Variants in CD248 observed in about 807,000 individuals in gnomAD.
CD248 encodes the protein CD248 molecule.
In CD248, 7 loss-of-function variants were observed where a neutral mutation model predicts 8.0. The ratio of observed to expected loss-of-function variants is 0.88; its 90% CI spans 0.50 to 1.64. CD248 has a LOEUF of 1.64. Among genes scored for constraint, CD248 ranks in the 40% most tolerant of loss-of-function variants. The pLI is 0.00. For missense variants in CD248, 912 were observed against 1,027.2 expected (o/e 0.89, Z 1.53); for synonymous variants, 418 against 437.1 (o/e 0.96, Z 0.54).
Position 66,317,001 on chromosome 11 carries a change from C to T in CD248, c.27G>A (p.Trp9Ter), listed in dbSNP as rs1239942326. The change falls in exon 1 of 1, where the codon TGG (tryptophan) becomes TGA (stop). Residue 9 changes from tryptophan to a stop codon, truncating the protein, a stop_gained. Transcript: ENST00000311330. LOFTEE classifies it low-confidence loss of function (END_TRUNC). ...GGCCCAGTGTGGGCCCTGCGGCCGC[C>T]CAGGCCAGCAACAGGCGCAGCAGCA... MLLRLLLA[W>*]AAAGPTLGQD... is the part of the protein sequence containing the mutation. 1.4e-6 allele frequency: 2 copies of T among 1,480,218 alleles called. No homozygotes were observed. 91.7% of individuals were successfully genotyped at this position (1,480,218 alleles called of 1,614,324 possible). A position where few individuals can be genotyped will look rare whatever the true frequency, so the allele number is the denominator to read the frequency against.
chr11:66,314,949 C>T lies in CD248; in HGVS notation c.2079G>A (p.Val693=). ...DDRWLLVALL[V]PTCVFLVVLL... is the part of the protein sequence containing the mutation. Reference sequence around the variant, plus strand: ...GGACCACCAAAAAGACACACGTTGGCACCAGGAGTGCCACCAGCAGCCACC... The same window carrying T: ...GGACCACCAAAAAGACACACGTTGGTACCAGGAGTGCCACCAGCAGCCACC... The change falls in exon 1 of 1, where the codon GTG becomes GTA. Residue 693 remains valine (V), a synonymous_variant. Coordinates refer to ENST00000311330, the MANE Select transcript of CD248 (RefSeq NM_020404.3). This position sits in a 1 kb window ranked among gnomAD's most constrained non-coding sequence, Gnocchi z 4.0. 1 of 1,613,376 alleles carries T rather than the reference C, an allele frequency of 6.2e-7. No homozygotes were observed. The highest frequency in any genetic ancestry group is 8.5e-7 in the Non-Finnish European group (1 of 1,179,938).
rs1181106224 is a variant in CD248, at chr11:66,316,686, G to A, written c.342C>T (p.Phe114=). Residue 114 remains phenylalanine (F), a synonymous_variant, in exon 1 of 1, where the codon TTC becomes TTT. Transcript: ENST00000311330. ...CAGAGGCTGGCTGGGCCCAGTTGGTGAAAGCCGTGTCCTGGTCCCCTGTGG... is the reference window on the plus strand; with the variant it reads ...CAGAGGCTGGCTGGGCCCAGTTGGTAAAAGCCGTGTCCTGGTCCCCTGTGG... ...TWTTGDQDTA[F]TNWAQPASGG... 1 of 1,606,936 alleles carries A rather than the reference G, an allele frequency of 6.2e-7. No individual in the cohort carries two copies. Among genetic ancestry groups the A allele is most frequent in the Non-Finnish European group, 8.5e-7 (1 of 1,179,482 alleles).
Position 66,314,820 on chromosome 11 carries a change from G to A in CD248, c.2208C>T (p.Ser736=). 1 of 1,573,150 alleles carries A rather than the reference G, an allele frequency of 6.4e-7. No individual in the cohort carries two copies. Among genetic ancestry groups the A allele is most frequent in the Non-Finnish European group, 8.6e-7 (1 of 1,159,392 alleles). Reference sequence around the variant, plus strand: ...CCCTGGGGGGCATGGGTTCTGTTGGGCTCTTGCTCCCAGCATGGATGACCC... The same window carrying A: ...CCCTGGGGGGCATGGGTTCTGTTGGACTCTTGCTCCCAGCATGGATGACCC... ...YRWVIHAGSK[S]PTEPMPPRGS... Residue 736 remains serine, a synonymous_variant, in exon 1 of 1, where the codon AGC becomes AGT. Coordinates refer to ENST00000311330, the MANE Select transcript of CD248 (RefSeq NM_020404.3). This position sits in a 1 kb window ranked among gnomAD's most constrained non-coding sequence, Gnocchi z 4.0.
In CD248 at chr11:66,316,476, G is replaced by T; in HGVS notation, c.552C>A (p.His184Gln). The change falls in exon 1 of 1, where the codon CAC becomes CAA. Residue 184 changes from histidine to glutamine, a missense_variant. Transcript: ENST00000311330. ...AGPAVYTTPF[H>Q]LVSTEFEWLP... Reference sequence around the variant, plus strand: ...GCCACTCAAACTCTGTGGAGACCAGGTGGAAGGGCGTGGTATACACGGCTG... The same window carrying T: ...GCCACTCAAACTCTGTGGAGACCAGTTGGAAGGGCGTGGTATACACGGCTG... 2 of 1,599,468 alleles carry T rather than the reference G, an allele frequency of 1.3e-6. No homozygotes were observed. The highest frequency in any genetic ancestry group is 1.1e-5 in the South Asian group (1 of 91,036).
chr11:66,317,034 GC>G lies in CD248; in HGVS notation c.-8del. The G allele has an allele frequency of 1.4e-6, 2 of 1,423,270 alleles. No individual in the cohort carries two copies. Among genetic ancestry groups the G allele is most frequent in the Non-Finnish European group, 1.8e-6 (2 of 1,097,746 alleles). 88.2% of individuals were successfully genotyped at this position (1,423,270 alleles called of 1,614,324 possible). On this transcript the variant is annotated 5_prime_UTR_variant, in exon 1 of 1. Transcript: ENST00000311330. ...GCAACAGGCGCAGCAGCATCGCGAT[GC>G]CCCCGGACTGGTCCGGCCCCGGGCT...
chr11:66,316,845 A>G lies in CD248; in HGVS notation c.183T>C (p.Pro61=), dbSNP rs1470149626. 1 of 1,556,108 alleles carries G rather than the reference A, an allele frequency of 6.4e-7. No homozygotes were observed. The highest frequency in any genetic ancestry group is 1.4e-5 in the African/African-American group (1 of 73,372). ...CRELGGDLAT[P]RTPEEAQRVD... is the part of the protein sequence containing the mutation. ...CACGCTGGGCCTCCTCGGGGGTCCG[A>G]GGAGTGGCCAGGTCGCCCCCCAGCT... is the stretch of plus-strand genomic sequence containing the variant. Residue 61 remains proline, a synonymous_variant, in exon 1 of 1, where the codon CCT becomes CCC. Coordinates refer to ENST00000311330, the MANE Select transcript of CD248 (RefSeq NM_020404.3).
In CD248 at chr11:66,315,428, G is replaced by A; in HGVS notation, c.1600C>T (p.Pro534Ser). Residue 534 changes from proline to serine, a missense_variant, in exon 1 of 1, where the codon CCA becomes TCA. Around this residue, in one of 3 missense-constraint regions of CD248, gnomAD observed 507 missense variants for 562.2 expected, o/e 0.90. Transcript: ENST00000311330. The surrounding 1 kb of genome is among the most constrained non-coding windows in gnomAD (Gnocchi z 4.3). ...TGGGTGCCAGCGACCCGGGTGTCTG[G>A]AAACATGGGGGACTGGTGGGCAGGG... ...LFPAHQSPMF[P>S]DTRVAGTQTT... is the part of the protein sequence containing the mutation. 6.2e-7 allele frequency: 1 copy of A among 1,613,398 alleles called. No individual in the cohort carries two copies. Among genetic ancestry groups the A allele is most frequent in the Non-Finnish European group, 8.5e-7 (1 of 1,179,522 alleles).
In CD248 at chr11:66,316,718, T is replaced by G; in HGVS notation, c.310A>C (p.Thr104Pro). ...GTGTCCTGGTCCCCTGTGGTCCACGTGAAGCCGCGCAGTGGGCGCTGCAGC... is the reference window on the plus strand; with the variant it reads ...GTGTCCTGGTCCCCTGTGGTCCACGGGAAGCCGCGCAGTGGGCGCTGCAGC... ...CQLQRPLRGF[T>P]WTTGDQDTAF... Residue 104 changes from threonine to proline, a missense_variant, in exon 1 of 1, where the codon ACG (threonine) becomes CCG (proline). Coordinates refer to ENST00000311330, the MANE Select transcript of CD248 (RefSeq NM_020404.3). 6.2e-7 allele frequency: 1 copy of G among 1,605,750 alleles called. No individual in the cohort carries two copies. The highest frequency in any genetic ancestry group is 8.5e-7 in the Non-Finnish European group (1 of 1,179,524).
rs757222983 is a variant in CD248, at chr11:66,316,625, C to T, written c.403G>A (p.Glu135Lys). The change falls in exon 1 of 1, where the codon GAG becomes AAG. Residue 135 changes from glutamate to lysine, a missense_variant. This residue lies in a region of CD248 where 403 missense variants were observed against 446.2 expected (regional missense o/e 0.90). Transcript: ENST00000311330. ...PCPAQRCVAL[E>K]ASGEHRWLEG... ...AGCCAGCGGTGCTCGCCACTTGCCTCCAGGGCCACACAGCGCTGGGCCGGG... is the reference window on the plus strand; with the variant it reads ...AGCCAGCGGTGCTCGCCACTTGCCTTCAGGGCCACACAGCGCTGGGCCGGG... 1.1e-5 allele frequency: 18 copies of T among 1,603,154 alleles called. No homozygotes were observed. Among genetic ancestry groups the T allele is most frequent in the Non-Finnish European group, 1.4e-5 (17 of 1,178,804 alleles).
Position 66,315,403 on chromosome 11 carries a change from T to G in CD248, c.1625A>C (p.Gln542Pro). Residue 542 changes from glutamine (Q) to proline (P), a missense_variant, in exon 1 of 1, where the codon CAG becomes CCG. This residue lies in a region of CD248 where 507 missense variants were observed against 562.2 expected (regional missense o/e 0.90). Coordinates refer to ENST00000311330, the MANE Select transcript of CD248 (RefSeq NM_020404.3). This position sits in a 1 kb window ranked among gnomAD's most constrained non-coding sequence, Gnocchi z 4.3. ...MFPDTRVAGTQTTTHLPGIPP... is the reference protein window; with the variant it reads ...MFPDTRVAGTPTTTHLPGIPP... ...GATTCCAGGCAAATGAGTGGTGGTCTGGGTGCCAGCGACCCGGGTGTCTGG... is the reference window on the plus strand; with the variant it reads ...GATTCCAGGCAAATGAGTGGTGGTCGGGGTGCCAGCGACCCGGGTGTCTGG... The G allele has an allele frequency of 6.2e-7, 1 of 1,611,788 alleles. No individual in the cohort carries two copies. Among genetic ancestry groups the G allele is most frequent in the Non-Finnish European group, 8.5e-7 (1 of 1,178,734 alleles).
Position 66,316,548 on chromosome 11 carries a change from G to C in CD248, c.480C>G (p.Phe160Leu), listed in dbSNP as rs377719515. 6.3e-7 allele frequency: 1 copy of C among 1,599,636 alleles called. No individual in the cohort carries two copies. Among genetic ancestry groups the C allele is most frequent in the African/African-American group, 1.3e-5 (1 of 74,906 alleles). Reference sequence around the variant, plus strand: ...CTTGCAGCGCCGGGCAGGCGCCCTCGAAGCCAAACTGGCACAGGTAGCCGT... The same window carrying C: ...CTTGCAGCGCCGGGCAGGCGCCCTCCAAGCCAAACTGGCACAGGTAGCCGT... Reference protein sequence around the residue: ...AVDGYLCQFGFEGACPALQDE... With the variant: ...AVDGYLCQFGLEGACPALQDE... The change falls in exon 1 of 1, where the codon TTC becomes TTG. Residue 160 changes from phenylalanine to leucine, a missense_variant. Phe to Leu is a conservative substitution (Grantham distance 22). Coordinates refer to ENST00000311330, the MANE Select transcript of CD248 (RefSeq NM_020404.3).
chr11:66,314,511 T>G lies in CD248; in HGVS notation c.*243A>C. On this transcript the variant is annotated 3_prime_UTR_variant, in exon 1 of 1. Coordinates refer to ENST00000311330, the MANE Select transcript of CD248 (RefSeq NM_020404.3). This position sits in a 1 kb window ranked among gnomAD's most constrained non-coding sequence, Gnocchi z 4.0. ...GCCTTGGGTAAGGTTGACACCCCAT[T>G]TATTGGAGAAGACCCCAGCACCCGC... 2 of 471,462 alleles carry G rather than the reference T, an allele frequency of 4.2e-6. No homozygotes were observed. Among genetic ancestry groups the G allele is most frequent in the Non-Finnish European group, 3.8e-6 (1 of 261,086 alleles). The allele number at this position is 471,462 out of a possible 1,614,324, so 29.2% of individuals were successfully genotyped here.
In CD248 at chr11:66,315,933, T is replaced by C; in HGVS notation, c.1095A>G (p.Gly365=). The C allele has an allele frequency of 6.2e-7, 1 of 1,613,342 alleles. No individual in the cohort carries two copies. The highest frequency in any genetic ancestry group is 2.2e-5 in the East Asian group (1 of 44,874). Residue 365 remains glycine (G), a synonymous_variant, in exon 1 of 1, where the codon GGA becomes GGG. Coordinates refer to ENST00000311330, the MANE Select transcript of CD248 (RefSeq NM_020404.3). The surrounding 1 kb of genome is among the most constrained non-coding windows in gnomAD (Gnocchi z 4.3). ...AMGAQASQDL[G]DELLDDGEDE... ...CCTCCCCGTCATCCAGCAACTCATC[T>C]CCGAGGTCCTGGGAAGCCTGGGCAC...
In CD248 at chr11:66,315,536, G is replaced by C. The variant is rs1049975271; in HGVS notation, c.1492C>G (p.Pro498Ala). ...NYPDLPSAYQ[P>A]GILSVSHSAQ... ...GAATGAGAGACAGAGAGAATACCGG[G>C]TTGGTAGGCAGAAGGCAGATCTGGA... The change falls in exon 1 of 1, where the codon CCC becomes GCC. Residue 498 changes from proline to alanine, a missense_variant. Pro to Ala is a conservative substitution (Grantham distance 27, BLOSUM62 -1). Around this residue, in one of 3 missense-constraint regions of CD248, gnomAD observed 507 missense variants for 562.2 expected, o/e 0.90. Coordinates refer to ENST00000311330, the MANE Select transcript of CD248 (RefSeq NM_020404.3). This position sits in a 1 kb window ranked among gnomAD's most constrained non-coding sequence, Gnocchi z 4.3. The C allele has an allele frequency of 2.5e-6, 4 of 1,613,920 alleles. No homozygotes were observed. Among genetic ancestry groups the C allele is most frequent in the Non-Finnish European group, 3.4e-6 (4 of 1,179,972 alleles).
chr11:66,316,341 C>A lies in CD248; in HGVS notation c.687G>T (p.Leu229=), dbSNP rs1284763869. 5.0e-6 allele frequency: 8 copies of A among 1,612,840 alleles called. No homozygotes were observed. Among genetic ancestry groups the A allele is most frequent in the Non-Finnish European group, 6.8e-6 (8 of 1,179,832 alleles). The change falls in exon 1 of 1, where the codon CTG becomes CTT. Residue 229 remains leucine, a synonymous_variant. Coordinates refer to ENST00000311330, the MANE Select transcript of CD248 (RefSeq NM_020404.3). The part of the protein sequence containing the change: ...GGVGWSRAGP[L]CLGTGCSPDN... ...CAGGGCTGCAGCCAGTCCCCAGGCA[C>A]AGGGGCCCAGCCCGTGACCAGCCCA...
At position 66,316,907 on chromosome 11, in the gene CD248, G is replaced by A. The variant is rs763743989; in HGVS notation, c.121C>T (p.Arg41Cys). ...PSSCYALFPR[R>C]RTFLEAWRAC... The stretch of plus-strand genomic sequence containing the variant: ...CGCCAGGCCTCCAGGAAGGTGCGGC[G>A]CCGTGGGAAGAGAGCGTAGCAGCTG... The change falls in exon 1 of 1, where the codon CGC (arginine) becomes TGC (cysteine). Residue 41 changes from arginine (R) to cysteine (C), a missense_variant. Physicochemically the swap from Arg to Cys is radical, Grantham distance 180 (BLOSUM62 -3). Coordinates refer to ENST00000311330, the MANE Select transcript of CD248 (RefSeq NM_020404.3). 3.8e-6 allele frequency: 6 copies of A among 1,558,538 alleles called. No homozygotes were observed. The highest frequency in any genetic ancestry group is 2.3e-5 in the East Asian group (1 of 42,868).
Position 66,315,086 on chromosome 11 carries a change from C to T in CD248, c.1942G>A (p.Glu648Lys). ...PHSKAPQIPR[E>K]DGPSPKLALW... ...GCCAACTTGGGACTGGGGCCATCTT[C>T]CCTTGGGATTTGGGGGGCTTTGGAA... Residue 648 changes from glutamate to lysine, a missense_variant, in exon 1 of 1, where the codon GAA becomes AAA. Around this residue, in one of 3 missense-constraint regions of CD248, gnomAD observed 507 missense variants for 562.2 expected, o/e 0.90. Coordinates refer to ENST00000311330, the MANE Select transcript of CD248 (RefSeq NM_020404.3). This position sits in a 1 kb window ranked among gnomAD's most constrained non-coding sequence, Gnocchi z 4.3. 6.4e-7 allele frequency: 1 copy of T among 1,561,840 alleles called. No individual in the cohort carries two copies. The highest frequency in any genetic ancestry group is 1.8e-5 in the Admixed American group (1 of 55,124).
chr11:66,316,437 A>T lies in CD248; in HGVS notation c.591T>A (p.Ser197=), dbSNP rs567271111. Reference sequence around the variant, plus strand: ...CAGCCTGGCACTGCACAGCGGCCACAGAGCCGAAGGGCAGCCACTCAAACT... The same window carrying T: ...CAGCCTGGCACTGCACAGCGGCCACTGAGCCGAAGGGCAGCCACTCAAACT... ...STEFEWLPFG[S]VAAVQCQAGR... The change falls in exon 1 of 1, where the codon TCT becomes TCA. Residue 197 remains serine, a synonymous_variant. Coordinates refer to ENST00000311330, the MANE Select transcript of CD248 (RefSeq NM_020404.3). 5 of 1,603,030 alleles carry T rather than the reference A, an allele frequency of 3.1e-6. No homozygotes were observed. The African/African-American group carries it at 5.3e-5, about 17-fold the overall frequency.
chr11:66,316,235 C>A lies in CD248; in HGVS notation c.793G>T (p.Ala265Ser), dbSNP rs1590909938. The A allele has an allele frequency of 6.2e-7, 1 of 1,613,384 alleles. No individual in the cohort carries two copies. The highest frequency in any genetic ancestry group is 8.5e-7 in the Non-Finnish European group (1 of 1,179,956). The change falls in exon 1 of 1, where the codon GCA becomes TCA. Residue 265 changes from alanine (A) to serine (S), a missense_variant. Transcript: ENST00000311330. ...TCCTCGCAACTGCGCCCGTCTGCTGCCAGCCGGAAGCCCTCAGTGCAGCGG... is the reference window on the plus strand; with the variant it reads ...TCCTCGCAACTGCGCCCGTCTGCTGACAGCCGGAAGCCCTCAGTGCAGCGG... ...SCRCTEGFRL[A>S]ADGRSCEDPC...
Sources: gnomAD v4.1 joint callset for allele counts on GRCh38, gnomAD v4.1.1 for gene constraint, gnomAD v4.1.1 regional missense constraint, Gnocchi (gnomAD v3.1) non-coding constraint, MANE v1.5 for transcripts, NCBI Gene and HGNC (gene_info 2026-07-23, HGNC 2026-07-21) for gene names.